ARFGEF3: variants seen among roughly 807,000 people sequenced by gnomAD.
ARFGEF3 encodes the protein brefeldin A-inhibited guanine nucleotide-exchange protein 3.
Under a neutral mutation model 221.7 loss-of-function variants are expected in ARFGEF3, and 96 were observed. The ratio of observed to expected loss-of-function variants is 0.43; its 90% CI spans 0.37 to 0.51. The LOEUF (loss-of-function observed/expected upper bound fraction) is 0.51, where lower values mean the gene tolerates loss of function less well. ARFGEF3 is among the 20% of genes least tolerant of loss of function. The probability of loss-of-function intolerance (pLI) is 0.00; values close to 1 mark genes in which losing one functional copy is unlikely to be tolerated. For missense variants in ARFGEF3, 2,410 were observed against 2,789.9 expected (o/e 0.86, Z 3.07); for synonymous variants, 1,145 against 1,126.8 (o/e 1.02, Z -0.32).
chr6:138,214,167 G>A (rs1043438819), intron 4 of ARFGEF3, among the ~76,000 whole-genome samples: 2 of 152,214 alleles, frequency 1.3e-5, no homozygotes, highest in East Asian at 1.9e-4. Context: ...ATAAGTCCTT[G>A]TTTTGCTAAT....
At chr6:138,327,388 G>T (rs563579052) in intron 31 of ARFGEF3, among the ~76,000 whole-genome samples, 205 of 152,260 alleles carry the variant, frequency 1.3e-3, no homozygotes, top group African/African-American at 4.8e-3. Flanking sequence ...CGTTGAGGCT[G>T]CAGTGAGCCA....
intron 4 of ARFGEF3, chr6:138,217,716 C>T (rs1777896604): frequency 2.7e-6 from 1 of 364,884 alleles, no homozygotes; most frequent in Non-Finnish European, 4.7e-6. Context: ...GAGACAGAAA[C>T]ACATGTGGTA....
In ARFGEF3 at chr6:138,342,067, C is replaced by T. The variant is rs988411915; in HGVS notation, c.*5581C>T. ...CCCTTTTCAACCACCAACAACTGTTCGTACTGTTAATTCCTATCCTGAAGG... is the reference window on the plus strand; with the variant it reads ...CCCTTTTCAACCACCAACAACTGTTTGTACTGTTAATTCCTATCCTGAAGG... On this transcript the variant is annotated 3_prime_UTR_variant, in exon 34 of 34. Transcript: ENST00000251691. 1.3e-5 allele frequency: 2 copies of T among 152,176 alleles called. No individual in the cohort carries two copies. Among genetic ancestry groups the T allele is most frequent in the Non-Finnish European group, 2.9e-5 (2 of 68,036 alleles). 9.4% of individuals were successfully genotyped at this position (152,176 alleles called of 1,614,324 possible). A position where few individuals can be genotyped will look rare whatever the true frequency, so the allele number is the denominator to read the frequency against.
chr6:138,230,240 A>T (rs1325138599), intron 5 of ARFGEF3, among the ~76,000 whole-genome samples: 2 of 152,222 alleles, frequency 1.3e-5, no homozygotes, highest in Non-Finnish European at 2.9e-5. Context: ...AGAGATGTTT[A>T]TAGATTAAAT....
At chr6:138,298,865 A>G (rs1779572954) in intron 22 of ARFGEF3, 80 bp downstream of exon 22, 4 of 1,030,546 alleles carry the variant, frequency 3.9e-6, no homozygotes, top group African/African-American at 3.2e-5. Context: ...AGCTTCGCAC[A>G]CTTACTCTTT....
At chr6:138,217,125 G>C (rs1319632999) in intron 4 of ARFGEF3, 1 of 152,222 alleles carries the variant, frequency 6.6e-6, no homozygotes, top group East Asian at 1.9e-4. Context: ...TTATTTTTGA[G>C]ATGGAGATTT....
chr6:138,326,299 C>T (rs1780125610), intron 31 of ARFGEF3, among the ~76,000 whole-genome samples: 1 of 152,116 alleles, frequency 6.6e-6, no homozygotes, highest in Non-Finnish European at 1.5e-5. Context: ...GTATTCTAGT[C>T]TTGCCGGGCA....
At chr6:138,307,052 G>A (rs980927073) in intron 22 of ARFGEF3, among the ~76,000 whole-genome samples, 1 of 151,918 alleles carries the variant, frequency 6.6e-6, no homozygotes, top group East Asian at 1.9e-4. Context: ...TTGCTTTGCA[G>A]CATTAGTCAT....
chr6:138,174,481 A>G (rs1776898877), intron 2 of ARFGEF3, among the ~76,000 whole-genome samples: 1 of 145,378 alleles, frequency 6.9e-6, no homozygotes, highest in Non-Finnish European at 1.5e-5. Flanking sequence ...AAAAAAAAAA[A>G]AAAAAAAAAA....
chr6:138,164,440 T>G (rs772787221), intron 1 of ARFGEF3, among the ~76,000 whole-genome samples: 43 of 152,190 alleles, frequency 2.8e-4, no homozygotes, highest in Admixed American at 2.7e-3. Flanking sequence ...CTTGGCAAGG[T>G]CCATCTTGTT....
chr6:138,265,011 C>G (rs190040003), intron 12 of ARFGEF3, among the ~76,000 whole-genome samples: 4 of 151,238 alleles, frequency 2.6e-5, no homozygotes, highest in African/African-American at 7.3e-5. Flanking sequence ...TCATGCCATT[C>G]TCCTGCCTCA....
intron 5 of ARFGEF3, among the ~76,000 whole-genome samples, chr6:138,237,221 C>T (rs1159667461): frequency 6.6e-6 from 1 of 152,134 alleles, no homozygotes; most frequent in Non-Finnish European, 1.5e-5. Flanking sequence ...TAGTCTCTTG[C>T]CCATCTCAGT....
At chr6:138,239,138 C>A (rs1778347354) in intron 6 of ARFGEF3, among the ~76,000 whole-genome samples, 2 of 152,102 alleles carry the variant, frequency 1.3e-5, no homozygotes, top group African/African-American at 2.4e-5. Flanking sequence ...TAAACTTGAA[C>A]AGATTGTCTA....
chr6:138,298,797 A>G lies in ARFGEF3; in HGVS notation c.3828+12A>G. On this transcript the variant is annotated intron_variant, in intron 22 of 33. Transcript: ENST00000251691. Reference sequence around the variant, plus strand: ...ACGTCCAAGACCAGGTCAGTGTGACATGGTCATCAGCGTCATAGCTGGCTC... The same window carrying G: ...ACGTCCAAGACCAGGTCAGTGTGACGTGGTCATCAGCGTCATAGCTGGCTC... The G allele has an allele frequency of 3.1e-6, 5 of 1,605,288 alleles. No homozygotes were observed. The highest frequency in any genetic ancestry group is 4.3e-6 in the Non-Finnish European group (5 of 1,174,604).
At chr6:138,214,724 A>G (rs750215881) in intron 4 of ARFGEF3, among the ~76,000 whole-genome samples, 3 of 152,220 alleles carry the variant, frequency 2.0e-5, no homozygotes, top group Admixed American at 6.5e-5. Context: ...AAACGGGCCA[A>G]TAATGAAATC....
intron 2 of ARFGEF3, among the ~76,000 whole-genome samples, chr6:138,200,427 C>CT (rs1434877450): frequency 1.1e-4 from 17 of 152,290 alleles, no homozygotes; most frequent in Middle Eastern, 3.4e-3. Flanking sequence ...TCAAACTATA[C>CT]TATAAGGCCA....
chr6:138,323,009 A>G (rs897849355), intron 29 of ARFGEF3, among the ~76,000 whole-genome samples: 6 of 151,594 alleles, frequency 4.0e-5, no homozygotes, highest in Admixed American at 3.9e-4. Context: ...TCCAAGCAGA[A>G]GAACAAAATA....
intron 4 of ARFGEF3, among the ~76,000 whole-genome samples, chr6:138,227,151 G>A (rs1234782096): frequency 6.6e-6 from 1 of 151,694 alleles, no homozygotes; most frequent in Non-Finnish European, 1.5e-5. Flanking sequence ...AGCATTGGCT[G>A]GGGGCCTGGG....
At chr6:138,263,722 T>G (rs761664206) in intron 12 of ARFGEF3, 111 bp downstream of exon 12, 36 of 1,030,336 alleles carry the variant, frequency 3.5e-5, no homozygotes, top group Admixed American at 5.3e-5. Context: ...CATATTAATG[T>G]ATCTTTGGGT....
Sources: gnomAD v4.1 joint callset for allele counts (sites outside exome capture counted in the v4.1 genomes callset) on GRCh38, gnomAD v4.1.1 for gene constraint, MANE v1.5 for transcripts, NCBI Gene and HGNC (gene_info 2026-07-23, HGNC 2026-07-21) for gene names.